TM9SF3: variants seen among roughly 807,000 people sequenced by gnomAD.
The protein encoded by TM9SF3 is SM-11044-binding protein.
A neutral mutation model predicts 78.6 loss-of-function variants in TM9SF3; 14 were observed. The observed-to-expected ratio is 0.18, with a 90% CI of 0.12 to 0.28. The LOEUF (loss-of-function observed/expected upper bound fraction) is 0.28, where lower values mean the gene tolerates loss of function less well. Among genes scored for constraint, TM9SF3 ranks in the 10% least tolerant of loss-of-function variants. The pLI is 1.00. For synonymous variants in TM9SF3, 231 were observed against 241.7 expected, an observed-to-expected ratio of 0.96 and a Z score of 0.41; for missense variants, 496 against 721.9, an observed-to-expected ratio of 0.69 and a Z score of 3.59.
chr10:96,565,218 A>G (rs1848354865), intron 3 of TM9SF3, 86 bp downstream of exon 3: 1 of 1,205,826 alleles, frequency 8.3e-7, no homozygotes, highest in African/African-American at 1.6e-5. Flanking sequence ...ACCATGATCC[A>G]GTACACAATC....
In TM9SF3 at chr10:96,522,162, G is replaced by T; in HGVS notation, c.*101C>A. 1.0e-6 allele frequency: 1 copy of T among 1,004,818 alleles called. No homozygotes were observed. The highest frequency in any genetic ancestry group is 1.5e-6 in the Non-Finnish European group (1 of 663,414). 62.2% of individuals were successfully genotyped at this position (1,004,818 alleles called of 1,614,324 possible). ...GAGAGACCCACAAAGTACCCAGTGT[G>T]TTAAAGCCCAAATCTCTTCTTGCGT... On this transcript the variant is annotated 3_prime_UTR_variant, in exon 15 of 15. Transcript: ENST00000371142.
Position 96,586,974 on chromosome 10 carries a change from C to T in TM9SF3, c.-139G>A, listed in dbSNP as rs2134166736. 2 of 603,892 alleles carry T rather than the reference C, an allele frequency of 3.3e-6. No homozygotes were observed. Among genetic ancestry groups the T allele is most frequent in the Non-Finnish European group, 4.5e-6 (2 of 449,002 alleles). 37.4% of individuals were successfully genotyped at this position (603,892 alleles called of 1,614,324 possible). A position where few individuals can be genotyped will look rare whatever the true frequency, so the allele number is the denominator to read the frequency against. On this transcript the variant is annotated 5_prime_UTR_variant, in exon 1 of 15. Coordinates refer to ENST00000371142, the MANE Select transcript of TM9SF3 (RefSeq NM_020123.4). Reference sequence around the variant, plus strand: ...CGCACGGGGCCCGGCCCAGCCGCTGCCTCCTCTGCCGCCGCCGTCGCCGTC... The same window carrying T: ...CGCACGGGGCCCGGCCCAGCCGCTGTCTCCTCTGCCGCCGCCGTCGCCGTC...
chr10:96,522,108 A>C lies in TM9SF3; in HGVS notation c.*155T>G, dbSNP rs1462217643. 4 of 638,426 alleles carry C rather than the reference A, an allele frequency of 6.3e-6. No individual in the cohort carries two copies. Among genetic ancestry groups the C allele is most frequent in the Non-Finnish European group, 1.1e-5 (4 of 363,300 alleles). The allele number at this position is 638,426 out of a possible 1,614,324, so 39.5% of individuals were successfully genotyped here. ...CAGGAAGAACCTAGGATCAATGGAA[A>C]TAGATGTTACTTTAAGCCACCGACG... On this transcript the variant is annotated 3_prime_UTR_variant, in exon 15 of 15. Coordinates refer to ENST00000371142, the MANE Select transcript of TM9SF3 (RefSeq NM_020123.4).
chr10:96,537,652 G>C (rs918217487), intron 9 of TM9SF3, among the ~76,000 whole-genome samples: 1 of 152,170 alleles, frequency 6.6e-6, no homozygotes, highest in African/African-American at 2.4e-5. Flanking sequence ...GGCCAACATG[G>C]TGAAAGCCTA....
At position 96,533,091 on chromosome 10, in the gene TM9SF3, G is replaced by A. The variant is rs1847916337; in HGVS notation, c.1285C>T (p.Arg429Cys). The A allele has an allele frequency of 1.2e-6, 2 of 1,613,954 alleles. No individual in the cohort carries two copies. The highest frequency in any genetic ancestry group is 1.1e-5 in the South Asian group (1 of 91,068). ...NLSGQPNFPC[R>C]VNAVPRPIPE... ...ATAGGACGAGGCACAGCATTGACAC[G>A]ACAAGGAAAGTTGGGCTGACCTGAC... Residue 429 changes from arginine to cysteine, a missense_variant, in exon 10 of 15, where the codon CGT becomes TGT. This residue lies in a region of TM9SF3 where 280 missense variants were observed against 422.6 expected (regional missense o/e 0.66). Coordinates refer to ENST00000371142, the MANE Select transcript of TM9SF3 (RefSeq NM_020123.4).
intron 8 of TM9SF3, among the ~76,000 whole-genome samples, chr10:96,547,332 A>C (rs1038345190): frequency 6.6e-6 from 1 of 152,138 alleles, no homozygotes; most frequent in Non-Finnish European, 1.5e-5. Flanking sequence ...AGAGCCAGGC[A>C]CCTCAAAGCA....
chr10:96,547,706 G>C (rs867027961), intron 8 of TM9SF3, among the ~76,000 whole-genome samples, 189 bp downstream of exon 8: 16 of 152,152 alleles, frequency 1.1e-4, no homozygotes. Flanking sequence ...GTAATTCCAA[G>C]CTACTCAGGA....
rs1038857364 is a variant in TM9SF3 at position 96,518,308 on chromosome 10, T to G, written c.*3955A>C. 6.6e-6 allele frequency: 1 copy of G among 152,190 alleles called. No homozygotes were observed. Among genetic ancestry groups the G allele is most frequent in the Non-Finnish European group, 1.5e-5 (1 of 68,008 alleles). The allele number at this position is 152,190 out of a possible 1,614,324, so 9.4% of individuals were successfully genotyped here. A position where few individuals can be genotyped will look rare whatever the true frequency, so the allele number is the denominator to read the frequency against. On this transcript the variant is annotated 3_prime_UTR_variant, in exon 15 of 15. Transcript: ENST00000371142. ...GGCAATAATTGTTTCCTTGGAACTCTGCACCGACTGTCCATGCTCTGTGGG... is the reference window on the plus strand; with the variant it reads ...GGCAATAATTGTTTCCTTGGAACTCGGCACCGACTGTCCATGCTCTGTGGG...
chr10:96,576,825 T>C lies in TM9SF3; in HGVS notation c.107A>G (p.Gln36Arg). The C allele has an allele frequency of 1.3e-6, 2 of 1,495,104 alleles. No individual in the cohort carries two copies. Among genetic ancestry groups the C allele is most frequent in the Non-Finnish European group, 1.8e-6 (2 of 1,125,742 alleles). 92.6% of individuals were successfully genotyped at this position (1,495,104 alleles called of 1,614,324 possible). A position where few individuals can be genotyped will look rare whatever the true frequency, so the allele number is the denominator to read the frequency against. Residue 36 changes from glutamine to arginine, a missense_variant, in exon 2 of 15, where the codon CAA becomes CGA. By Grantham distance (43) the Gln-to-Arg change is conservative. Around this residue, in one of 4 missense-constraint regions of TM9SF3, gnomAD observed 155 missense variants for 241.6 expected, o/e 0.64. Coordinates refer to ENST00000371142, the MANE Select transcript of TM9SF3 (RefSeq NM_020123.4). ...CCATAAGACAACTTCCTCTTTATCT[T>C]GATACTGAAACAAGAAAAGCAAACA... ...TRADEHEHTYQDKEEVVLWMN... is the reference protein window; with the variant it reads ...TRADEHEHTYRDKEEVVLWMN...
chr10:96,550,318 T>A (rs961587473), intron 7 of TM9SF3, among the ~76,000 whole-genome samples: 1 of 152,224 alleles, frequency 6.6e-6, no homozygotes, highest in African/African-American at 2.4e-5. Context: ...GAACTTACTA[T>A]CTAGCAGAGG....
At chr10:96,522,934 A>C (rs181272558) in intron 14 of TM9SF3, among the ~76,000 whole-genome samples, 1 of 151,876 alleles carries the variant, frequency 6.6e-6, no homozygotes, top group Admixed American at 6.6e-5. Flanking sequence ...AGAAGTTTTG[A>C]AATGTTGTTT....
intron 8 of TM9SF3, among the ~76,000 whole-genome samples, chr10:96,544,909 A>G (rs1283751895): frequency 6.6e-6 from 1 of 152,062 alleles, no homozygotes; most frequent in African/African-American, 2.4e-5. Flanking sequence ...CTCTAAAATT[A>G]TAATTATAAA....
chr10:96,572,504 C>T (rs1848447127), intron 2 of TM9SF3, among the ~76,000 whole-genome samples: 2 of 151,212 alleles, frequency 1.3e-5, no homozygotes. Flanking sequence ...TAAGTCAGCC[C>T]TTCTATATTT....
At chr10:96,525,501 T>C (rs1299283793) in intron 14 of TM9SF3, among the ~76,000 whole-genome samples, 2 of 152,002 alleles carry the variant, frequency 1.3e-5, no homozygotes, top group Admixed American at 6.6e-5. Context: ...ACAGGCTCTT[T>C]TGATGGAGAA....
At chr10:96,570,170 T>C (rs1235309382) in intron 2 of TM9SF3, among the ~76,000 whole-genome samples, 5 of 152,260 alleles carry the variant, frequency 3.3e-5, no homozygotes, top group Non-Finnish European at 5.9e-5. Flanking sequence ...ATATATAACT[T>C]ACTAAATGTG....
At chr10:96,584,871 T>C (rs991617782) in intron 1 of TM9SF3, among the ~76,000 whole-genome samples, 1 of 152,212 alleles carries the variant, frequency 6.6e-6, no homozygotes. Context: ...AGCAGTTCAA[T>C]ATAGACATGA....
rs1229172088 is a variant in TM9SF3, at chr10:96,522,236, T to C, written c.*27A>G. 5 of 1,589,012 alleles carry C rather than the reference T, an allele frequency of 3.1e-6. No individual in the cohort carries two copies. The South Asian group carries it at 5.8e-5, about 18-fold the overall frequency. The stretch of plus-strand genomic sequence containing the variant: ...TCCACCCCTATGAAAAAGAAATTGA[T>C]CCAAAGTTCCAGGTTTTCTTGGGTC... On this transcript the variant is annotated 3_prime_UTR_variant, in exon 15 of 15. Transcript: ENST00000371142.
intron 1 of TM9SF3, among the ~76,000 whole-genome samples, chr10:96,584,322 G>A (rs1848606460): frequency 6.6e-6 from 1 of 152,150 alleles, no homozygotes; most frequent in Non-Finnish European, 1.5e-5. Context: ...CTTGACATTA[G>A]CCTTTTCGGT....
intron 8 of TM9SF3, among the ~76,000 whole-genome samples, chr10:96,546,100 TAC>T (rs1848096015): frequency 6.6e-6 from 1 of 152,156 alleles, no homozygotes; most frequent in Non-Finnish European, 1.5e-5. Flanking sequence ...AAACTAGATC[TAC>T]AGCATTATAG....
Sources: allele counts gnomAD v4.1 joint callset (sites outside exome capture counted in the v4.1 genomes callset), GRCh38; gene constraint gnomAD v4.1.1; regional missense constraint gnomAD v4.1.1; transcripts MANE v1.5; gene names NCBI Gene and HGNC (gene_info 2026-07-23, HGNC 2026-07-21).